The following SLC25A13 variants were observed in gnomAD, a reference collection of about 807,000 sequenced individuals.
The protein encoded by SLC25A13 is solute carrier family 25 member 13.
Under a neutral mutation model 85.5 loss-of-function variants are expected in SLC25A13, and 70 were observed. The ratio of observed to expected loss-of-function variants is 0.82; its 90% confidence interval spans 0.68 to 1.00. The LOEUF (loss-of-function observed/expected upper bound fraction) is 1.00. Ranked by LOEUF, SLC25A13 falls within the 50% of genes least tolerant of loss-of-function variation. The pLI is 0.00. For synonymous variants in SLC25A13, 259 were observed against 288.7 expected, an observed-to-expected ratio of 0.90 and a Z score of 1.04; for missense variants, 765 against 819.8, an observed-to-expected ratio of 0.93 and a Z score of 0.82.
chr7:96,310,575 T>C (rs1219181930), intron 1 of SLC25A13, among the ~76,000 whole-genome samples: 1 of 152,224 alleles, frequency 6.6e-6, no homozygotes, highest in Non-Finnish European at 1.5e-5. Context: ...AGGAGATGCA[T>C]TCAGACAATG....
intron 3 of SLC25A13, among the ~76,000 whole-genome samples, chr7:96,247,451 T>G (rs1405580215): frequency 6.6e-6 from 1 of 152,150 alleles, no homozygotes; most frequent in Non-Finnish European, 1.5e-5. Flanking sequence ...GAATAACATT[T>G]CATAATATTA....
chr7:96,296,959 T>C lies in SLC25A13; in HGVS notation c.16-8A>G. ...TCTCTTGGTTAAAGCCACCTATAAA[T>C]AAACATAAAAATGTTTATGTTATTA... On this transcript the variant is annotated splice_region_variant and splice_polypyrimidine_tract_variant and intron_variant, in intron 1 of 17. Coordinates refer to ENST00000265631, the MANE Select transcript of SLC25A13 (RefSeq NM_014251.3). 6.2e-7 allele frequency: 1 copy of C among 1,611,374 alleles called. No homozygotes were observed. Among genetic ancestry groups the C allele is most frequent in the Non-Finnish European group, 8.5e-7 (1 of 1,177,656 alleles).
chr7:96,287,742 C>T (rs991000537), intron 2 of SLC25A13, among the ~76,000 whole-genome samples: 4 of 152,176 alleles, frequency 2.6e-5, no homozygotes, highest in Admixed American at 6.5e-5. Context: ...TATTGAGACA[C>T]CCTCTATGGT....
chr7:96,137,727 C>T (rs1792344910), intron 14 of SLC25A13, among the ~76,000 whole-genome samples: 1 of 152,144 alleles, frequency 6.6e-6, no homozygotes, highest in Non-Finnish European at 1.5e-5. Context: ...CTGGTTCAAG[C>T]AATTCTCCTG....
intron 4 of SLC25A13, among the ~76,000 whole-genome samples, chr7:96,230,111 G>T (rs1796482901): frequency 6.6e-6 from 1 of 152,090 alleles, no homozygotes; most frequent in Non-Finnish European, 1.5e-5. Flanking sequence ...ACAATAGAAT[G>T]GATAAATAAA....
At chr7:96,148,504 C>T (rs923679576) in intron 13 of SLC25A13, among the ~76,000 whole-genome samples, 1 of 152,190 alleles carries the variant, frequency 6.6e-6, no homozygotes, top group Non-Finnish European at 1.5e-5. Context: ...ACCAAGTAAC[C>T]ATGTGAGAGG....
intron 5 of SLC25A13, among the ~76,000 whole-genome samples, chr7:96,196,089 T>C (rs1795051423): frequency 6.6e-6 from 1 of 152,202 alleles, no homozygotes; most frequent in Non-Finnish European, 1.5e-5. Context: ...CAGTGAAAAG[T>C]ATTCTGTAAA....
At chr7:96,189,406 C>T (rs764936968) in intron 8 of SLC25A13, 28 bp from the exon 9 acceptor site, 3 of 1,592,606 alleles carry the variant, frequency 1.9e-6, no homozygotes, top group Non-Finnish European at 2.6e-6. Flanking sequence ...ACACAAGCAA[C>T]AAATATACCA....
At chr7:96,269,563 C>T (rs1389401877) in intron 3 of SLC25A13, among the ~76,000 whole-genome samples, 8 of 152,132 alleles carry the variant, frequency 5.3e-5, no homozygotes, top group East Asian at 1.9e-4. Flanking sequence ...TCTAACGTCC[C>T]GGAAAAAACA....
chr7:96,301,816 GACAGTCTC>G (rs1799558582), intron 1 of SLC25A13, among the ~76,000 whole-genome samples: 1 of 151,870 alleles, frequency 6.6e-6, no homozygotes, highest in Non-Finnish European at 1.5e-5. Context: ...TTTTTGTAGA[GACAGTCTC>G]ACTATGTTGC....
chr7:96,283,409 C>A, intron 2 of SLC25A13: 2 of 405,304 alleles, frequency 4.9e-6, no homozygotes, highest in South Asian at 2.1e-5. Context: ...TTCTGTAGGC[C>A]TTTTAGAAAA....
intron 14 of SLC25A13, among the ~76,000 whole-genome samples, chr7:96,135,107 G>C (rs1216806114): frequency 1.3e-5 from 2 of 152,166 alleles, no homozygotes; most frequent in African/African-American, 4.8e-5. Context: ...AAATACCAAA[G>C]GCCATCTTCT....
At chr7:96,231,656 G>A (rs1796545067) in intron 4 of SLC25A13, among the ~76,000 whole-genome samples, 1 of 151,836 alleles carries the variant, frequency 6.6e-6, no homozygotes, top group Admixed American at 6.6e-5. Context: ...CCCAGGAGGT[G>A]GAGGTTGCAC....
At chr7:96,275,429 T>C (rs1798410727) in intron 3 of SLC25A13, among the ~76,000 whole-genome samples, 1 of 152,162 alleles carries the variant, frequency 6.6e-6, no homozygotes, top group Non-Finnish European at 1.5e-5. Context: ...TAAAGACACA[T>C]GCACACGTAT....
chr7:96,133,648 C>T (rs148129921), intron 14 of SLC25A13, among the ~76,000 whole-genome samples: 46 of 152,292 alleles, frequency 3.0e-4, no homozygotes, highest in African/African-American at 8.9e-4. Flanking sequence ...ATAAGGCTAA[C>T]AATATCAGCG....
intron 4 of SLC25A13, chr7:96,219,894 CAT>C: frequency 2.6e-6 from 1 of 377,674 alleles, no homozygotes; most frequent in Non-Finnish European, 5.3e-6. Context: ...AGATATTAAC[CAT>C]CTGTCACACA....
intron 4 of SLC25A13, among the ~76,000 whole-genome samples, chr7:96,231,999 A>G (rs1011789139): frequency 2.0e-5 from 3 of 152,198 alleles, no homozygotes; most frequent in Admixed American, 6.5e-5. Context: ...AGTGTAAATT[A>G]GTTCAACCAC....
intron 15 of SLC25A13, among the ~76,000 whole-genome samples, chr7:96,129,295 A>T (rs553233749): frequency 6.6e-6 from 1 of 152,324 alleles, no homozygotes; most frequent in Admixed American, 6.5e-5. Flanking sequence ...ATGCAGTAAT[A>T]GATAACAAAT....
chr7:96,299,227 C>T (rs1419752628), intron 1 of SLC25A13, among the ~76,000 whole-genome samples: 2 of 152,286 alleles, frequency 1.3e-5, no homozygotes, highest in East Asian at 3.9e-4. Context: ...CTTAAGGATC[C>T]TGAAATGTAT....
Sources: gnomAD v4.1 joint callset for allele counts (sites outside exome capture counted in the v4.1 genomes callset) on GRCh38, gnomAD v4.1.1 for gene constraint, MANE v1.5 for transcripts, NCBI Gene and HGNC (gene_info 2026-07-23, HGNC 2026-07-21) for gene names.